Variants in NKAIN2 observed in about 807,000 individuals in gnomAD.
NKAIN2 encodes sodium/potassium-transporting ATPase subunit beta-1-interacting protein 2.
NKAIN2 carries 14 observed loss-of-function variants against 32.6 expected under a neutral mutation model. The observed-to-expected ratio is 0.43, with a 90% CI of 0.28 to 0.67. NKAIN2 has a LOEUF of 0.67. Ranked by LOEUF, NKAIN2 falls within the 30% of genes least tolerant of loss-of-function variation. The pLI, the probability that NKAIN2 is intolerant of heterozygous loss-of-function variation, is 0.17. For missense variants in NKAIN2, 198 were observed against 258.3 expected, an observed-to-expected ratio of 0.77 and a Z score of 1.60; for synonymous variants, 80 against 87.2, an observed-to-expected ratio of 0.92 and a Z score of 0.46.
intron 1 of NKAIN2, among the ~76,000 whole-genome samples, chr6:124,053,922 T>C (rs549767944): frequency 6.6e-6 from 1 of 152,162 alleles, no homozygotes; most frequent in African/African-American, 2.4e-5. Flanking sequence ...ACAGTAAGAC[T>C]GATGATTAAA....
At chr6:123,804,626 T>A (rs907641630) in intron 1 of NKAIN2, among the ~76,000 whole-genome samples, 2 of 152,222 alleles carry the variant, frequency 1.3e-5, no homozygotes, top group Admixed American at 1.3e-4. Context: ...GAATACGGAA[T>A]TTTGGACTTT....
chr6:124,075,664 C>G (rs952388208), intron 1 of NKAIN2, among the ~76,000 whole-genome samples: 3 of 152,138 alleles, frequency 2.0e-5, no homozygotes, highest in Non-Finnish European at 4.4e-5. Context: ...GGCGTAATCT[C>G]AGCACACTGC....
intron 3 of NKAIN2, among the ~76,000 whole-genome samples, chr6:124,579,464 G>A (rs953543162): frequency 3.1e-4 from 47 of 152,308 alleles, no homozygotes; most frequent in African/African-American, 1.1e-3. Context: ...ACTGAAGAAT[G>A]CATCAGAGTC....
At chr6:124,569,340 A>G (rs1383225861) in intron 3 of NKAIN2, among the ~76,000 whole-genome samples, 3 of 151,908 alleles carry the variant, frequency 2.0e-5, no homozygotes, top group South Asian at 2.1e-4. Context: ...TTACTTCCCT[A>G]TTTTTCCTTA....
intron 3 of NKAIN2, among the ~76,000 whole-genome samples, chr6:124,459,965 C>A (rs943472258): frequency 6.6e-6 from 1 of 151,588 alleles, no homozygotes; most frequent in African/African-American, 2.4e-5. Context: ...CTTGTCCTGA[C>A]CTACTTTATA....
intron 5 of NKAIN2, among the ~76,000 whole-genome samples, chr6:124,805,680 G>A (rs1303532693): frequency 6.6e-6 from 1 of 152,132 alleles, no homozygotes; most frequent in African/African-American, 2.4e-5. Flanking sequence ...GGCTTCAGAT[G>A]ATCAAACTAC....
At chr6:124,154,988 A>G (rs1787909492) in intron 1 of NKAIN2, among the ~76,000 whole-genome samples, 1 of 152,128 alleles carries the variant, frequency 6.6e-6, no homozygotes, top group South Asian at 2.1e-4. Context: ...TGGCAGGAAA[A>G]GAATTGTTTT....
At chr6:124,054,016 A>T (rs1782527553) in intron 1 of NKAIN2, among the ~76,000 whole-genome samples, 1 of 152,094 alleles carries the variant, frequency 6.6e-6, no homozygotes, top group Non-Finnish European at 1.5e-5. Context: ...CATGAATAGA[A>T]ACAATGAATA....
intron 4 of NKAIN2, among the ~76,000 whole-genome samples, chr6:124,714,277 T>A (rs1775643415): frequency 6.6e-6 from 1 of 152,196 alleles, no homozygotes; most frequent in Non-Finnish European, 1.5e-5. Context: ...TAAAGCACAG[T>A]CATGAGTTAT....
At chr6:124,448,845 T>C (rs563812745) in intron 3 of NKAIN2, among the ~76,000 whole-genome samples, 1 of 152,274 alleles carries the variant, frequency 6.6e-6, no homozygotes, top group African/African-American at 2.4e-5. Context: ...AGAATTTAAA[T>C]TATCAGTTCC....
intron 3 of NKAIN2, among the ~76,000 whole-genome samples, chr6:124,475,132 A>G (rs1365617611): frequency 6.6e-6 from 1 of 151,928 alleles, no homozygotes; most frequent in Non-Finnish European, 1.5e-5. Context: ...CTCAAGCCAT[A>G]AGAGGGCAAC....
At chr6:124,456,179 T>C (rs117885500) in intron 3 of NKAIN2, among the ~76,000 whole-genome samples, 2,619 of 152,128 alleles carry the variant, frequency 0.017, 45 homozygotes, top group Non-Finnish European at 0.026. Flanking sequence ...CAATACATTT[T>C]GGACAGTTCT....
At chr6:124,707,858 T>G in intron 4 of NKAIN2, among the ~76,000 whole-genome samples, 1 of 152,250 alleles carries the variant, frequency 6.6e-6, no homozygotes, top group Non-Finnish European at 1.5e-5. Context: ...AGATCCCATC[T>G]GTGAATTTTG....
intron 1 of NKAIN2, among the ~76,000 whole-genome samples, chr6:124,144,104 C>T (rs1787272383): frequency 1.3e-5 from 2 of 152,224 alleles, no homozygotes; most frequent in Admixed American, 6.5e-5. Context: ...TAATTATCCA[C>T]AGATTGATCT....
At chr6:124,349,572 C>T (rs1461587360) in intron 2 of NKAIN2, among the ~76,000 whole-genome samples, 1 of 152,066 alleles carries the variant, frequency 6.6e-6, no homozygotes, top group African/African-American at 2.4e-5. Context: ...TAATATTTCC[C>T]TGTAGCTTCT....
intron 1 of NKAIN2, among the ~76,000 whole-genome samples, chr6:124,175,000 T>G (rs1224339946): frequency 1.3e-5 from 2 of 152,320 alleles, no homozygotes; most frequent in Admixed American, 1.3e-4. Context: ...CACAGAATGA[T>G]TCTCCTTTTA....
intron 4 of NKAIN2, among the ~76,000 whole-genome samples, chr6:124,751,301 T>C (rs1000330327): frequency 6.6e-6 from 1 of 151,986 alleles, no homozygotes; most frequent in Non-Finnish European, 1.5e-5. Flanking sequence ...AAGAGGCCTT[T>C]AAAAAGATTT....
chr6:124,414,860 T>C (rs1215389525), intron 3 of NKAIN2, among the ~76,000 whole-genome samples: 2 of 152,166 alleles, frequency 1.3e-5, no homozygotes, highest in East Asian at 3.8e-4. Context: ...TCTGATATTG[T>C]TAACTTGCTA....
intron 1 of NKAIN2, among the ~76,000 whole-genome samples, chr6:124,116,766 C>G (rs1001739598): frequency 6.6e-6 from 1 of 151,818 alleles, no homozygotes; most frequent in African/African-American, 2.4e-5. Context: ...TACTGAATGC[C>G]GGCTACATGT....
Sources: allele counts gnomAD v4.1 joint callset (sites outside exome capture counted in the v4.1 genomes callset), GRCh38; gene constraint gnomAD v4.1.1; transcripts MANE v1.5; gene names NCBI Gene and HGNC (gene_info 2026-07-23, HGNC 2026-07-21).